COL13A1: variants seen among roughly 807,000 people sequenced by gnomAD.
The protein encoded by COL13A1 is collagen type XIII alpha 1 chain, also known as collagen alpha-1(XIII) chain.
Under a neutral mutation model 130.9 loss-of-function variants are expected in COL13A1, and 89 were observed. The observed-to-expected ratio is 0.68, with a 90% CI of 0.57 to 0.81. COL13A1 has a LOEUF of 0.81. Ranked by LOEUF, COL13A1 falls within the 30% of genes least tolerant of loss-of-function variation. The pLI is 0.00. For missense variants in COL13A1, 879 were observed against 934.6 expected (o/e 0.94, Z 0.78); for synonymous variants, 402 against 341.6 (o/e 1.18, Z -1.95).
At chr10:69,814,017 A>AGACATCTGACCCGGGACCCT (rs1843751265) in intron 1 of COL13A1, among the ~76,000 whole-genome samples, 2 of 152,292 alleles carry the variant, frequency 1.3e-5, no homozygotes, top group East Asian at 1.9e-4. Context: ...GTGTGGATTG[A>AGACATCTGACCCGGGACCCT]GACATCTGAC....
chr10:69,919,530 C>G (rs1227623210), intron 20 of COL13A1, 135 bp from the exon 21 acceptor site: 1 of 398,814 alleles, frequency 2.5e-6, no homozygotes, highest in African/African-American at 2.1e-5. Context: ...CGTTTTTGAC[C>G]AGAACACCCT....
At position 69,958,907 on chromosome 10, in the gene COL13A1, A is replaced by G; in HGVS notation, c.*206A>G. ...TTTTGTATAAGCCTATGTCTCTAAT[A>G]CATTTTTTGTTTGGTCGTAATGTCT... On this transcript the variant is annotated 3_prime_UTR_variant, in exon 41 of 41. Coordinates refer to ENST00000645393, the MANE Select transcript of COL13A1 (RefSeq NM_001368882.1). 1 of 629,818 alleles carries G rather than the reference A, an allele frequency of 1.6e-6. No individual in the cohort carries two copies. Among genetic ancestry groups the G allele is most frequent in the Admixed American group, 3.3e-5 (1 of 30,144 alleles). 39.0% of individuals were successfully genotyped at this position (629,818 alleles called of 1,614,324 possible).
chr10:69,918,223 CG>C, intron 18 of COL13A1, 61 bp from the exon 19 acceptor site: 1 of 1,507,132 alleles, frequency 6.6e-7, no homozygotes, highest in Middle Eastern at 2.3e-4. Flanking sequence ...CACTGCCCCC[CG>C]CCCCCTGCTG....
chr10:69,903,411 C>T (rs1403910698), intron 15 of COL13A1, among the ~76,000 whole-genome samples: 1 of 152,218 alleles, frequency 6.6e-6, no homozygotes, highest in African/African-American at 2.4e-5. Flanking sequence ...TCCAGAGAGG[C>T]CAACTGGCAC....
chr10:69,957,172 AG>A (rs2070899832), intron 40 of COL13A1, 130 bp downstream of exon 40: 3 of 765,276 alleles, frequency 3.9e-6, no homozygotes, highest in African/African-American at 1.7e-5. Flanking sequence ...TCTCAAAGGC[AG>A]GGTGCCCATT....
Position 69,902,783 on chromosome 10 carries a change from A to T in COL13A1, c.786A>T (p.Pro262=). 1 of 1,554,894 alleles carries T rather than the reference A, an allele frequency of 6.4e-7. No homozygotes were observed. Residue 262 remains proline (P), a synonymous_variant, in exon 15 of 41, where the codon CCA becomes CCT. Transcript: ENST00000645393. ...GCCAGGCCAGCATCCAAGGTCCACC[A>T]GGGCCCCCAGGCCCCCCTGGACCAA... The part of the protein sequence containing the change: ...EQSQASIQGP[P]GPPGPPGPSG...
At chr10:69,808,437 G>C (rs1842137550) in intron 1 of COL13A1, among the ~76,000 whole-genome samples, 1 of 152,170 alleles carries the variant, frequency 6.6e-6, no homozygotes, top group Non-Finnish European at 1.5e-5. Flanking sequence ...GACATAGCAT[G>C]TGTTGTTGGC....
At chr10:69,929,590 C>T (rs925611892) in intron 28 of COL13A1, among the ~76,000 whole-genome samples, 1 of 152,192 alleles carries the variant, frequency 6.6e-6, no homozygotes, top group Admixed American at 6.5e-5. Context: ...ATTTTGCCAC[C>T]TCCCTTAACT....
At chr10:69,908,010 G>A (rs907368699) in intron 17 of COL13A1, among the ~76,000 whole-genome samples, 3 of 152,174 alleles carry the variant, frequency 2.0e-5, no homozygotes, top group African/African-American at 7.2e-5. Flanking sequence ...AAGTCTCCTG[G>A]CTCATAAGTG....
At chr10:69,890,046 A>G (rs2061015601) in intron 10 of COL13A1, among the ~76,000 whole-genome samples, 1 of 152,140 alleles carries the variant, frequency 6.6e-6, no homozygotes, top group Non-Finnish European at 1.5e-5. Context: ...CTTCTCTTCC[A>G]TGTCACAGCA....
At chr10:69,826,912 CAA>C (rs1051331692) in intron 2 of COL13A1, among the ~76,000 whole-genome samples, 1 of 152,188 alleles carries the variant, frequency 6.6e-6, no homozygotes, top group Admixed American at 6.5e-5. Context: ...CTCAAACCCT[CAA>C]GAGCAAAACT....
intron 2 of COL13A1, among the ~76,000 whole-genome samples, chr10:69,847,782 CTT>C (rs959991119): frequency 6.6e-6 from 1 of 152,204 alleles, no homozygotes; most frequent in African/African-American, 2.4e-5. Context: ...GATTCACTCT[CTT>C]TCTCCTTTCC....
chr10:69,819,573 T>C (rs1484349598), intron 1 of COL13A1, among the ~76,000 whole-genome samples: 2 of 152,146 alleles, frequency 1.3e-5, no homozygotes, highest in Non-Finnish European at 2.9e-5. Context: ...TGTCTATCAG[T>C]AATTGAATAT....
rs776416441 is a variant in COL13A1 at position 69,952,884 on chromosome 10, G to C, written c.2061G>C (p.Gly687=). 3.2e-6 allele frequency: 5 copies of C among 1,550,880 alleles called. No homozygotes were observed. The highest frequency in any genetic ancestry group is 4.3e-6 in the Non-Finnish European group (5 of 1,157,654). Residue 687 remains glycine (G), a splice_region_variant and synonymous_variant, in exon 39 of 41, where the codon GGG becomes GGC. Transcript: ENST00000645393. ...HGPPGDKGNR[G]ERGKKGSRGP... The stretch of plus-strand genomic sequence containing the variant: ...TCGGACTAAACCATTATTTACAGGG[G>C]GAGAGGGGGAAGAAAGGCTCTAGAG...
intron 1 of COL13A1, among the ~76,000 whole-genome samples, chr10:69,806,336 A>G (rs925729654): frequency 2.6e-5 from 4 of 152,214 alleles, no homozygotes; most frequent in African/African-American, 9.6e-5. Context: ...GACTGCGTGT[A>G]TGAGGCAGAA....
At chr10:69,921,968 C>T in intron 22 of COL13A1, 33 bp downstream of exon 22, 3 of 1,580,732 alleles carry the variant, frequency 1.9e-6, no homozygotes, top group Non-Finnish European at 2.6e-6. Flanking sequence ...GGTTCAAGTC[C>T]TTCGTCACCC....
chr10:69,938,158 G>A (rs973641617), intron 34 of COL13A1, among the ~76,000 whole-genome samples: 1 of 152,202 alleles, frequency 6.6e-6, no homozygotes, highest in Admixed American at 6.5e-5. Flanking sequence ...TTGCAGAAAG[G>A]CACAGACAAA....
At chr10:69,911,114 A>G (rs968253367) in intron 17 of COL13A1, among the ~76,000 whole-genome samples, 3 of 152,192 alleles carry the variant, frequency 2.0e-5, no homozygotes, top group Admixed American at 6.5e-5. Context: ...TGAGATGGCT[A>G]GAGGGCTGGG....
intron 36 of COL13A1, 58 bp from the exon 37 acceptor site, chr10:69,945,613 G>T: frequency 6.3e-7 from 1 of 1,582,614 alleles, no homozygotes; most frequent in Non-Finnish European, 8.6e-7. Flanking sequence ...GTAGAAAATG[G>T]CAAGGAAGAT....
Sources: gnomAD v4.1 joint callset for allele counts (sites outside exome capture counted in the v4.1 genomes callset) on GRCh38, gnomAD v4.1.1 for gene constraint, MANE v1.5 for transcripts, NCBI Gene and HGNC (gene_info 2026-07-23, HGNC 2026-07-21) for gene names.